The following CADPS2 variants were observed in gnomAD, a reference collection of about 807,000 sequenced individuals.
CADPS2 encodes the protein calcium dependent secretion activator 2, also known as calcium-dependent secretion activator 2.
Under a neutral mutation model 172.5 loss-of-function variants are expected in CADPS2, and 93 were observed. The observed-to-expected ratio is 0.54, with a 90% CI of 0.46 to 0.64. The LOEUF (loss-of-function observed/expected upper bound fraction) is 0.64, where lower values mean the gene tolerates loss of function less well. Ranked by LOEUF, CADPS2 falls within the 30% of genes least tolerant of loss-of-function variation. CADPS2 has a pLI of 0.00. For synonymous variants in CADPS2, 546 were observed against 555.2 expected, an observed-to-expected ratio of 0.98 and a Z score of 0.23; for missense variants, 1,420 against 1,565.9, an observed-to-expected ratio of 0.91 and a Z score of 1.57.
At chr7:122,791,328 A>G (rs886887357) in intron 1 of CADPS2, among the ~76,000 whole-genome samples, 4 of 152,164 alleles carry the variant, frequency 2.6e-5, no homozygotes, top group African/African-American at 9.7e-5. Flanking sequence ...CTCTTTTGAA[A>G]GATACACACA....
intron 1 of CADPS2, among the ~76,000 whole-genome samples, chr7:122,753,464 T>TA (rs1430333474): frequency 6.6e-6 from 1 of 152,178 alleles, no homozygotes; most frequent in Non-Finnish European, 1.5e-5. Flanking sequence ...ACTCAGCAAA[T>TA]ATTTATTGAG....
chr7:122,668,975 T>A (rs1277662325), intron 2 of CADPS2, among the ~76,000 whole-genome samples: 1 of 152,192 alleles, frequency 6.6e-6, no homozygotes, highest in Non-Finnish European at 1.5e-5. Flanking sequence ...AGCAGCCACT[T>A]TGTTTTGTTT....
At chr7:122,558,497 T>C (rs1269561709) in intron 7 of CADPS2, among the ~76,000 whole-genome samples, 4 of 152,292 alleles carry the variant, frequency 2.6e-5, no homozygotes, top group Non-Finnish European at 2.9e-5. Context: ...CTTGTCAGCA[T>C]GGCACAAAAA....
At chr7:122,398,673 G>A (rs750877562) in intron 20 of CADPS2, among the ~76,000 whole-genome samples, 1 of 151,670 alleles carries the variant, frequency 6.6e-6, no homozygotes, top group Non-Finnish European at 1.5e-5. Context: ...ATATGAATAT[G>A]GGCTTCAGGA....
chr7:122,427,402 G>A (rs984180058), intron 17 of CADPS2: 75 of 152,216 alleles, frequency 4.9e-4, no homozygotes, highest in African/African-American at 1.8e-3. Context: ...TCTAAGAAGT[G>A]AGAAAGTAAA....
rs1205155217 is a variant in CADPS2, at chr7:122,508,449, G to GTTTTTTTTTTTTTTTTTTTTTT, written c.1542+4778_1542+4799dup. ...TCCAGTTATTTATTTATTCATTTAAGTTTTTTTTTTTTTTTTTTTTTTTTT... is the reference window on the plus strand; with the variant it reads ...TCCAGTTATTTATTTATTCATTTAAGTTTTTTTTTTTTTTTTTTTTTTTTTTTTTTTTTTTTTTTTTTTTTTT... On this transcript the variant is annotated intron_variant, in intron 9 of 29. Transcript: ENST00000449022. Among the ~76,000 whole-genome samples, 9 of 68,418 alleles carry GTTTTTTTTTTTTTTTTTTTTTT rather than the reference G, an allele frequency of 1.3e-4. 3 individuals are homozygous for GTTTTTTTTTTTTTTTTTTTTTT. The highest frequency in any genetic ancestry group is 1.5e-4 in the Non-Finnish European group (5 of 32,902). The allele number at this position is 68,418 out of a possible 152,430, so 44.9% of individuals were successfully genotyped here. A position where few individuals can be genotyped will look rare whatever the true frequency, so the allele number is the denominator to read the frequency against.
At chr7:122,743,284 A>T (rs1323012215) in intron 1 of CADPS2, among the ~76,000 whole-genome samples, 1 of 152,196 alleles carries the variant, frequency 6.6e-6, no homozygotes, top group African/African-American at 2.4e-5. Context: ...AAACACTTAG[A>T]TTCTAGGGTT....
At chr7:122,620,089 A>T (rs573975373) in intron 5 of CADPS2, among the ~76,000 whole-genome samples, 1 of 152,364 alleles carries the variant, frequency 6.6e-6, no homozygotes, top group Admixed American at 6.5e-5. Flanking sequence ...TTTCTGCCAT[A>T]AACTAAGGAA....
At chr7:122,380,944 G>C (rs2042926894) in intron 24 of CADPS2, among the ~76,000 whole-genome samples, 1 of 152,104 alleles carries the variant, frequency 6.6e-6, no homozygotes, top group African/African-American at 2.4e-5. Context: ...GAAAAGGGGA[G>C]AGAAGACAGA....
At chr7:122,711,450 C>G (rs2088705945) in intron 2 of CADPS2, among the ~76,000 whole-genome samples, 1 of 151,894 alleles carries the variant, frequency 6.6e-6, no homozygotes, top group South Asian at 2.1e-4. Flanking sequence ...TACCATGGTA[C>G]CTCAGAGAAA....
chr7:122,619,614 G>T (rs974638920), intron 5 of CADPS2, among the ~76,000 whole-genome samples: 32 of 152,036 alleles, frequency 2.1e-4, no homozygotes, highest in Non-Finnish European at 3.4e-4. Context: ...GCAACAGAGA[G>T]AGACTCAGTC....
chr7:122,596,800 C>G (rs1455809079), intron 6 of CADPS2, among the ~76,000 whole-genome samples: 1 of 152,046 alleles, frequency 6.6e-6, no homozygotes, highest in African/African-American at 2.4e-5. Flanking sequence ...CTGGGTTAGT[C>G]TAGGTTCCTT....
At chr7:122,334,154 A>G (rs2035461827) in intron 28 of CADPS2, among the ~76,000 whole-genome samples, 1 of 152,226 alleles carries the variant, frequency 6.6e-6, no homozygotes. Flanking sequence ...TAAAAGAGAA[A>G]GTACTATAAA....
chr7:122,792,012 T>G (rs1795394849), intron 1 of CADPS2, among the ~76,000 whole-genome samples: 1 of 152,180 alleles, frequency 6.6e-6, no homozygotes, highest in African/African-American at 2.4e-5. Flanking sequence ...GATAGCCCAT[T>G]TGCTTTCCCC....
At chr7:122,626,122 G>A (rs1488281572) in intron 4 of CADPS2, among the ~76,000 whole-genome samples, 1 of 152,146 alleles carries the variant, frequency 6.6e-6, no homozygotes, top group Non-Finnish European at 1.5e-5. Context: ...AGATCACACA[G>A]GACTGGGGTA....
chr7:122,329,783 G>A (rs767722709), intron 28 of CADPS2, among the ~76,000 whole-genome samples: 1 of 152,048 alleles, frequency 6.6e-6, no homozygotes, highest in Non-Finnish European at 1.5e-5. Context: ...ACATACTAAT[G>A]CACAATGCCT....
chr7:122,674,393 G>A (rs903221771), intron 2 of CADPS2, among the ~76,000 whole-genome samples: 1 of 152,172 alleles, frequency 6.6e-6, no homozygotes, highest in African/African-American at 2.4e-5. Flanking sequence ...CACTATGTAT[G>A]TCACATTTGT....
intron 6 of CADPS2, among the ~76,000 whole-genome samples, chr7:122,597,889 A>T (rs533091289): frequency 9.9e-5 from 15 of 151,930 alleles, no homozygotes; most frequent in African/African-American, 3.6e-4. Flanking sequence ...CTTTTGGCAA[A>T]GGCAGACTTG....
Position 122,663,391 on chromosome 7 carries a change from T to C in CADPS2, c.632A>G (p.Tyr211Cys), listed in dbSNP as rs771065863. The C allele has an allele frequency of 5.6e-6, 9 of 1,613,852 alleles. No individual in the cohort carries two copies. The highest frequency in any genetic ancestry group is 5.0e-5 in the Admixed American group (3 of 59,982). ...TTTGCACAAGTCCTCTTCACCTCTGTAAATGGCATCATATTTGGCTATCCA... is the reference window on the plus strand; with the variant it reads ...TTTGCACAAGTCCTCTTCACCTCTGCAAATGGCATCATATTTGGCTATCCA... Reference protein sequence around the residue: ...SSWIAKYDAIYRGEEDLCKQP... With the variant: ...SSWIAKYDAICRGEEDLCKQP... The change falls in exon 3 of 30, where the codon TAC becomes TGC. Residue 211 changes from tyrosine (Y) to cysteine (C), a missense_variant. Tyr to Cys is a radical substitution (Grantham distance 194, BLOSUM62 -2). Transcript: ENST00000449022.
Sources: allele counts gnomAD v4.1 joint callset (sites outside exome capture counted in the v4.1 genomes callset), GRCh38; gene constraint gnomAD v4.1.1; transcripts MANE v1.5; gene names NCBI Gene and HGNC (gene_info 2026-07-23, HGNC 2026-07-21).